Variants in EPHB2 observed in about 807,000 individuals in gnomAD.
The protein encoded by EPHB2 is ephrin type-B receptor 2.
A neutral mutation model predicts 96.4 loss-of-function variants in EPHB2; 18 were observed. That is an observed-to-expected ratio of 0.19 (90% CI 0.13 to 0.28). The LOEUF (loss-of-function observed/expected upper bound fraction) is 0.28. Among genes scored for constraint, EPHB2 ranks in the 10% least tolerant of loss-of-function variants. The probability of loss-of-function intolerance (pLI) is 1.00; values close to 1 mark genes in which losing one functional copy is unlikely to be tolerated. For synonymous variants in EPHB2, 506 were observed against 534.1 expected (o/e 0.95, Z 0.72); for missense variants, 989 against 1,355.4 (o/e 0.73, Z 4.25).
At chr1:22,880,092 A>T (rs1024897967) in intron 5 of EPHB2, among the ~76,000 whole-genome samples, 1 of 151,960 alleles carries the variant, frequency 6.6e-6, no homozygotes. Context: ...GGCAGGGAAC[A>T]TTGGAGCCTC....
chr1:22,902,124 C>T (rs1639772362), intron 9 of EPHB2, among the ~76,000 whole-genome samples: 1 of 152,202 alleles, frequency 6.6e-6, no homozygotes. Context: ...CAGTGTCCAA[C>T]TCATTTAACC....
chr1:22,751,774 C>G (rs111577355), intron 1 of EPHB2, among the ~76,000 whole-genome samples: 1 of 152,174 alleles, frequency 6.6e-6, no homozygotes, highest in African/African-American at 2.4e-5. Context: ...CACAGAAAGG[C>G]GGGAATGATG....
intron 3 of EPHB2, among the ~76,000 whole-genome samples, chr1:22,838,038 G>A (rs1645409879): frequency 6.6e-6 from 1 of 152,164 alleles, no homozygotes. Context: ...AAAAGCAGAG[G>A]TGGCCACGAG....
At chr1:22,773,417 G>A (rs1203616894) in intron 1 of EPHB2, among the ~76,000 whole-genome samples, 1 of 152,186 alleles carries the variant, frequency 6.6e-6, no homozygotes, top group African/African-American at 2.4e-5. Context: ...CAGACAGGGT[G>A]CAACAGGAAC....
intron 3 of EPHB2, among the ~76,000 whole-genome samples, chr1:22,819,655 C>A (rs892135514): frequency 1.3e-5 from 2 of 152,120 alleles, no homozygotes; most frequent in Admixed American, 1.3e-4. Flanking sequence ...TCGTCACTGT[C>A]CCTGGAGAGT....
At chr1:22,723,351 T>G (rs1643512405) in intron 1 of EPHB2, among the ~76,000 whole-genome samples, 1 of 152,248 alleles carries the variant, frequency 6.6e-6, no homozygotes, top group South Asian at 2.1e-4. Flanking sequence ...GTCAGGGCTC[T>G]GGCCGGTACA....
At chr1:22,910,701 A>G (rs1205581296) in intron 14 of EPHB2, 126 bp downstream of exon 14, 3 of 1,258,440 alleles carry the variant, frequency 2.4e-6, no homozygotes, top group Non-Finnish European at 3.4e-6. Context: ...GGACAGGACT[A>G]GTGTTTATTG....
rs148608341 is a variant in EPHB2 at position 22,755,534 on chromosome 1, A to T, written c.62-25887A>T. Among the ~76,000 whole-genome samples, 591 of 152,186 alleles carry T rather than the reference A, an allele frequency of 3.9e-3. 5 individuals are homozygous for T. Among genetic ancestry groups the T allele is most frequent in the South Asian group, 0.027 (130 of 4,818 alleles). On this transcript the variant is annotated intron_variant, in intron 1 of 15. Coordinates refer to ENST00000374630, the MANE Select transcript of EPHB2 (RefSeq NM_017449.5). Reference sequence around the variant, plus strand: ...TCCCAGGGTGAGCTTGGAATTCTTGATAGTAGACAAATGGTGAGGACAGAG... The same window carrying T: ...TCCCAGGGTGAGCTTGGAATTCTTGTTAGTAGACAAATGGTGAGGACAGAG...
intron 1 of EPHB2, among the ~76,000 whole-genome samples, chr1:22,730,208 A>G (rs915222375): frequency 1.3e-5 from 2 of 152,228 alleles, no homozygotes; most frequent in East Asian, 3.9e-4. Context: ...TGAGGCTTCT[A>G]ATACTCAGAG....
Position 22,784,508 on chromosome 1 carries a change from T to G in EPHB2, c.243T>G (p.Arg81=). Residue 81 remains arginine (R), a synonymous_variant, in exon 3 of 16, where the codon CGT becomes CGG. Transcript: ENST00000374630. This position sits in a 1 kb window ranked among gnomAD's most constrained non-coding sequence, Gnocchi z 5.1. ...NWLRTKFIRR[R]GAHRIHVEMK... ...TACGGACCAAGTTTATCCGGCGCCG[T>G]GGCGCCCACCGCATCCACGTGGAGA... The G allele has an allele frequency of 6.2e-7, 1 of 1,613,680 alleles. No individual in the cohort carries two copies. The highest frequency in any genetic ancestry group is 8.5e-7 in the Non-Finnish European group (1 of 1,179,622).
At chr1:22,841,341 C>T (rs1645465696) in intron 3 of EPHB2, among the ~76,000 whole-genome samples, 1 of 152,166 alleles carries the variant, frequency 6.6e-6, no homozygotes, top group African/African-American at 2.4e-5. Flanking sequence ...CTTGTTGTTC[C>T]TGTGATCTTA....
At chr1:22,771,037 T>G (rs1644374146) in intron 1 of EPHB2, among the ~76,000 whole-genome samples, 1 of 152,200 alleles carries the variant, frequency 6.6e-6, no homozygotes, top group African/African-American at 2.4e-5. Context: ...TACCAGCGAC[T>G]GCATTTCCTG....
chr1:22,736,867 C>G (rs985705889), intron 1 of EPHB2, among the ~76,000 whole-genome samples: 1 of 152,318 alleles, frequency 6.6e-6, no homozygotes, highest in Admixed American at 6.5e-5. Context: ...GGCCCCCTCC[C>G]TGTCAGACCT....
Position 22,790,798 on chromosome 1 carries a change from G to C in EPHB2, c.811+5722G>C, listed in dbSNP as rs1177086783. 6.6e-6 allele frequency among the ~76,000 whole-genome samples: 1 copy of C among 152,192 alleles called. No individual in the cohort carries two copies. The highest frequency in any genetic ancestry group is 1.5e-5 in the Non-Finnish European group (1 of 68,036). On this transcript the variant is annotated intron_variant, in intron 3 of 15. Coordinates refer to ENST00000374630, the MANE Select transcript of EPHB2 (RefSeq NM_017449.5). The surrounding 1 kb of genome is among the most constrained non-coding windows in gnomAD (Gnocchi z 4.0). ...TAATATTTAGCTTGGATGGGGAGAGGGGCTGCTAGCCAGCTCGGGGTGGTT... is the reference window on the plus strand; with the variant it reads ...TAATATTTAGCTTGGATGGGGAGAGCGGCTGCTAGCCAGCTCGGGGTGGTT...
intron 1 of EPHB2, among the ~76,000 whole-genome samples, chr1:22,759,769 G>A (rs1644208635): frequency 6.6e-6 from 1 of 152,162 alleles, no homozygotes; most frequent in Admixed American, 6.5e-5. Context: ...TAGAGGAGGT[G>A]TCATCCTCAC....
intron 1 of EPHB2, among the ~76,000 whole-genome samples, chr1:22,774,864 C>T (rs934207973): frequency 5.3e-5 from 8 of 152,198 alleles, no homozygotes; most frequent in Admixed American, 3.9e-4. Context: ...ACATGTGGGC[C>T]CTGGGAGACA....
At chr1:22,852,898 G>C (rs74503980) in intron 3 of EPHB2, among the ~76,000 whole-genome samples, 1 of 152,214 alleles carries the variant, frequency 6.6e-6, no homozygotes, top group Non-Finnish European at 1.5e-5. Context: ...GAGGAGGGGA[G>C]ATGGGAGGTG....
chr1:22,871,516 T>C (rs564682792), intron 5 of EPHB2, among the ~76,000 whole-genome samples: 6 of 152,326 alleles, frequency 3.9e-5, no homozygotes, highest in Admixed American at 2.0e-4. Context: ...GAGCCTCAGT[T>C]CCATCACCTA....
chr1:22,803,807 G>T (rs1288599544), intron 3 of EPHB2, among the ~76,000 whole-genome samples: 1 of 151,430 alleles, frequency 6.6e-6, no homozygotes, highest in Non-Finnish European at 1.5e-5. Context: ...CCAGCTACTA[G>T]GGAGGCTGAG....
Sources: allele counts gnomAD v4.1 joint callset (sites outside exome capture counted in the v4.1 genomes callset), GRCh38; gene constraint gnomAD v4.1.1; non-coding constraint Gnocchi (gnomAD v3.1); transcripts MANE v1.5; gene names NCBI Gene and HGNC (gene_info 2026-07-23, HGNC 2026-07-21).